Variants in ZMIZ1 observed in about 807,000 individuals in gnomAD.
ZMIZ1 encodes the protein zinc finger MIZ domain-containing protein 1.
A neutral mutation model predicts 113.9 loss-of-function variants in ZMIZ1; 17 were observed. That is an observed-to-expected ratio of 0.15 (90% CI 0.10 to 0.22). The LOEUF (loss-of-function observed/expected upper bound fraction) is 0.22. Among genes scored for constraint, ZMIZ1 ranks in the 10% least tolerant of loss-of-function variants. The pLI is 1.00. For missense variants in ZMIZ1, 1,059 were observed against 1,477.8 expected, an observed-to-expected ratio of 0.72 and a Z score of 4.65; for synonymous variants, 607 against 603.1, an observed-to-expected ratio of 1.01 and a Z score of -0.09.
chr10:79,266,805 A>G (rs545944747), intron 7 of ZMIZ1, among the ~76,000 whole-genome samples: 1 of 152,350 alleles, frequency 6.6e-6, no homozygotes, highest in African/African-American at 2.4e-5. Context: ...GTCTACAGGC[A>G]GGAAGTCCAG....
At chr10:79,291,543 A>T (rs372615386) in intron 10 of ZMIZ1, among the ~76,000 whole-genome samples, 1 of 152,256 alleles carries the variant, frequency 6.6e-6, no homozygotes, top group Admixed American at 6.5e-5. Context: ...AGTTGCCCAA[A>T]GACAGTGAAG....
At chr10:79,264,218 C>T (rs1589518487) in intron 7 of ZMIZ1, among the ~76,000 whole-genome samples, 1 of 152,198 alleles carries the variant, frequency 6.6e-6, no homozygotes, top group African/African-American at 2.4e-5. Context: ...TGCCTCCTCA[C>T]CTCCCTGCGC....
At chr10:79,250,373 CTG>C (rs910062131) in intron 7 of ZMIZ1, among the ~76,000 whole-genome samples, 5 of 152,246 alleles carry the variant, frequency 3.3e-5, no homozygotes, top group African/African-American at 1.2e-4. Context: ...AGCATGGCCA[CTG>C]TAACAGGAGA....
intron 2 of ZMIZ1, among the ~76,000 whole-genome samples, chr10:79,129,406 C>T (rs1175465310): frequency 6.6e-6 from 1 of 152,194 alleles, no homozygotes; most frequent in Admixed American, 6.5e-5. Context: ...GTCCACTGGC[C>T]CCACTCTGAA....
chr10:79,247,238 C>T (rs1018912986), intron 7 of ZMIZ1, among the ~76,000 whole-genome samples: 1 of 152,238 alleles, frequency 6.6e-6, no homozygotes, highest in Non-Finnish European at 1.5e-5. Flanking sequence ...TTTGGCGACA[C>T]TCTCAGGTTT....
chr10:79,135,691 A>G (rs1416210913), intron 2 of ZMIZ1, among the ~76,000 whole-genome samples: 4 of 152,186 alleles, frequency 2.6e-5, no homozygotes, highest in Non-Finnish European at 5.9e-5. Context: ...CCATTGGCCC[A>G]TTGGAGATCC....
At chr10:79,243,693 GC>G (rs1167488410) in intron 7 of ZMIZ1, 7 of 305,388 alleles carry the variant, frequency 2.3e-5, no homozygotes, top group Admixed American at 4.9e-5. Flanking sequence ...CGGGCCCCAA[GC>G]CCCCGAGGGC....
At chr10:79,310,666 G>A (rs1019048459) in intron 23 of ZMIZ1, among the ~76,000 whole-genome samples, 9 of 152,104 alleles carry the variant, frequency 5.9e-5, no homozygotes, top group South Asian at 4.1e-4. Flanking sequence ...TGCTTGTGTC[G>A]AAGCCCTCCC....
At chr10:79,198,799 C>T (rs1847946167) in intron 4 of ZMIZ1, among the ~76,000 whole-genome samples, 1 of 152,102 alleles carries the variant, frequency 6.6e-6, no homozygotes, top group Non-Finnish European at 1.5e-5. Flanking sequence ...TTTGGGGGGC[C>T]GAGGTGGGCA....
intron 4 of ZMIZ1, among the ~76,000 whole-genome samples, chr10:79,164,663 T>A (rs573388928): frequency 1.7e-3 from 258 of 152,328 alleles, no homozygotes; most frequent in African/African-American, 5.8e-3. Flanking sequence ...CATCTTCCAA[T>A]TCAACTTTCC....
chr10:79,266,341 G>C (rs1196959256), intron 7 of ZMIZ1, among the ~76,000 whole-genome samples: 1 of 152,182 alleles, frequency 6.6e-6, no homozygotes, highest in African/African-American at 2.4e-5. Context: ...CAGTGGGCGG[G>C]GCCGTTGTCC....
chr10:79,072,326 C>A (rs1052666445), intron 1 of ZMIZ1, among the ~76,000 whole-genome samples: 4 of 152,192 alleles, frequency 2.6e-5, no homozygotes, highest in Non-Finnish European at 5.9e-5. Context: ...CCATCCCTGG[C>A]CCCCATAGAT....
At chr10:79,109,398 G>T (rs1467901024) in intron 1 of ZMIZ1, among the ~76,000 whole-genome samples, 1 of 152,202 alleles carries the variant, frequency 6.6e-6, no homozygotes, top group African/African-American at 2.4e-5. Context: ...GGCTGCCCCC[G>T]CCTGATCATT....
chr10:79,070,926 T>C (rs1237932384), intron 1 of ZMIZ1, among the ~76,000 whole-genome samples: 1 of 146,244 alleles, frequency 6.8e-6, no homozygotes, highest in South Asian at 2.3e-4. Context: ...TGCCCTGACA[T>C]GAGGGAGGAA....
At chr10:79,160,598 C>A (rs569448004) in intron 3 of ZMIZ1, among the ~76,000 whole-genome samples, 1 of 152,254 alleles carries the variant, frequency 6.6e-6, no homozygotes. Flanking sequence ...GGTACGAGGG[C>A]GAAGCCAAGA....
intron 7 of ZMIZ1, among the ~76,000 whole-genome samples, chr10:79,252,427 C>T (rs1850610830): frequency 1.3e-5 from 2 of 152,102 alleles, no homozygotes; most frequent in South Asian, 2.1e-4. Context: ...TCCTCTCTCC[C>T]AGGAGTGTGT....
chr10:79,148,706 A>G (rs1304630691), intron 3 of ZMIZ1, among the ~76,000 whole-genome samples: 1 of 152,188 alleles, frequency 6.6e-6, no homozygotes, highest in Non-Finnish European at 1.5e-5. Context: ...GTATGTCCCC[A>G]GCCTCAGCTT....
intron 6 of ZMIZ1, among the ~76,000 whole-genome samples, chr10:79,209,299 C>T (rs150033356): frequency 1.3e-5 from 2 of 152,144 alleles, no homozygotes; most frequent in Non-Finnish European, 2.9e-5. Context: ...CAGGAAGGGT[C>T]GAGGCTGCAA....
chr10:79,142,701 G>C, intron 3 of ZMIZ1, among the ~76,000 whole-genome samples: 1 of 152,324 alleles, frequency 6.6e-6, no homozygotes, highest in Non-Finnish European at 1.5e-5. Context: ...GGCCCTCCCC[G>C]TCACCCTGGC....
Sources: gnomAD v4.1 joint callset for allele counts (sites outside exome capture counted in the v4.1 genomes callset) on GRCh38, gnomAD v4.1.1 for gene constraint, MANE v1.5 for transcripts, NCBI Gene and HGNC (gene_info 2026-07-23, HGNC 2026-07-21) for gene names.